TFPI: variants seen among roughly 807,000 people sequenced by gnomAD.
TFPI encodes the protein anti-convertin.
TFPI carries 15 observed loss-of-function variants against 34.6 expected under a neutral mutation model. The observed-to-expected ratio is 0.43, with a 90% CI of 0.29 to 0.67. The LOEUF is 0.67. Ranked by LOEUF, TFPI falls within the 30% of genes least tolerant of loss-of-function variation. The pLI, the probability that TFPI is intolerant of heterozygous loss-of-function variation, is 0.15. For synonymous variants in TFPI, 105 were observed against 120.1 expected, an observed-to-expected ratio of 0.87 and a Z score of 0.82; for missense variants, 301 against 364.0, an observed-to-expected ratio of 0.83 and a Z score of 1.41.
At chr2:187,487,345 T>G (rs958797123) in intron 4 of TFPI, among the ~76,000 whole-genome samples, 2 of 151,440 alleles carry the variant, frequency 1.3e-5, no homozygotes, top group African/African-American at 4.8e-5. Flanking sequence ...GTACATTTAG[T>G]TATGTTTCTT....
At chr2:187,535,134 T>C (rs1462925523) in intron 1 of TFPI, among the ~76,000 whole-genome samples, 3 of 152,102 alleles carry the variant, frequency 2.0e-5, no homozygotes, top group African/African-American at 7.2e-5. Context: ...CACACAATAA[T>C]AGTGGGAGAC....
chr2:187,497,179 C>A, intron 2 of TFPI, 101 bp from the exon 3 acceptor site: 2 of 1,034,670 alleles, frequency 1.9e-6, no homozygotes, highest in South Asian at 1.7e-5. Context: ...AGGAAAAGTA[C>A]AATAAAACAT....
intron 1 of TFPI, among the ~76,000 whole-genome samples, chr2:187,552,823 A>G (rs1156611236): frequency 6.6e-6 from 1 of 152,106 alleles, no homozygotes; most frequent in African/African-American, 2.4e-5. Context: ...CTTGAAGTAG[A>G]AAAACTTGGT....
At chr2:187,473,957 AAGG>A (rs1335506764) in intron 6 of TFPI, among the ~76,000 whole-genome samples, 1 of 152,098 alleles carries the variant, frequency 6.6e-6, no homozygotes, top group East Asian at 1.9e-4. Flanking sequence ...ATTAAGAGGG[AAGG>A]AAATAAATTG....
At chr2:187,542,629 G>A (rs1298962583) in intron 1 of TFPI, among the ~76,000 whole-genome samples, 1 of 152,076 alleles carries the variant, frequency 6.6e-6, no homozygotes, top group Admixed American at 6.5e-5. Flanking sequence ...CCAGCACTTT[G>A]GGAGGCCAAA....
intron 1 of TFPI, among the ~76,000 whole-genome samples, chr2:187,552,259 T>C (rs1355521398): frequency 6.6e-6 from 1 of 152,098 alleles, no homozygotes; most frequent in Non-Finnish European, 1.5e-5. Context: ...GCATATTTAC[T>C]ATTTGGTTAG....
chr2:187,535,758 G>A (rs1688215303), intron 1 of TFPI, among the ~76,000 whole-genome samples: 2 of 151,926 alleles, frequency 1.3e-5, no homozygotes, highest in African/African-American at 4.8e-5. Context: ...GGGAGATAGA[G>A]ACAGGAAAAA....
intron 1 of TFPI, among the ~76,000 whole-genome samples, chr2:187,527,691 C>T (rs1429020496): frequency 1.3e-5 from 2 of 151,698 alleles, no homozygotes; most frequent in African/African-American, 2.4e-5. Context: ...GAATATATAC[C>T]ACATTTATTT....
chr2:187,512,784 C>G (rs1032902843), intron 1 of TFPI, among the ~76,000 whole-genome samples: 1 of 151,628 alleles, frequency 6.6e-6, no homozygotes. Flanking sequence ...TGGGGGGGGC[C>G]GCGAAATTTA....
intron 2 of TFPI, among the ~76,000 whole-genome samples, chr2:187,501,676 A>AG (rs1685862104): frequency 6.6e-6 from 1 of 152,122 alleles, no homozygotes; most frequent in African/African-American, 2.4e-5. Context: ...TCACAAAGGT[A>AG]CTAGGTGGCA....
chr2:187,517,948 G>C (rs1687120513), intron 1 of TFPI: 3 of 152,094 alleles, frequency 2.0e-5, no homozygotes, highest in Non-Finnish European at 4.4e-5. Context: ...TTTTATCAGA[G>C]ACTGGGAATG....
chr2:187,514,251 C>T lies in TFPI; in HGVS notation c.-2-10481G>A, dbSNP rs949496260. On this transcript the variant is annotated intron_variant, in intron 1 of 7. Transcript: ENST00000233156. Reference sequence around the variant, plus strand: ...CTGGTTGGAATGGATCAAATATTCCCTCCACATGTTAAACAAAAGCAATTG... The same window carrying T: ...CTGGTTGGAATGGATCAAATATTCCTTCCACATGTTAAACAAAAGCAATTG... 4 of 152,224 alleles carry T rather than the reference C, an allele frequency of 2.6e-5. No individual in the cohort carries two copies. The East Asian group carries it at 7.7e-4, about 29-fold the overall frequency. 9.4% of individuals were successfully genotyped at this position (152,224 alleles called of 1,614,324 possible). A position where few individuals can be genotyped will look rare whatever the true frequency, so the allele number is the denominator to read the frequency against.
chr2:187,518,119 T>TG (rs1559138980), intron 1 of TFPI: 1 of 152,246 alleles, frequency 6.6e-6, no homozygotes, highest in African/African-American at 2.4e-5. Flanking sequence ...GTCTTTTAAT[T>TG]GGGGCATTTA....
At chr2:187,534,130 G>T (rs943079990) in intron 1 of TFPI, among the ~76,000 whole-genome samples, 11 of 152,198 alleles carry the variant, frequency 7.2e-5, no homozygotes, top group African/African-American at 2.7e-4. Flanking sequence ...ATGGAAAGAA[G>T]TTGGAGAACA....
intron 5 of TFPI, chr2:187,484,421 G>A (rs961846369): frequency 1.8e-6 from 1 of 553,826 alleles, no homozygotes; most frequent in East Asian, 3.0e-5. Flanking sequence ...AAAAAGCGTA[G>A]CAGTTAATGT....
intron 6 of TFPI, among the ~76,000 whole-genome samples, chr2:187,480,183 T>G (rs1692735384): frequency 6.6e-6 from 1 of 152,118 alleles, no homozygotes; most frequent in South Asian, 2.1e-4. Flanking sequence ...TGCATTTATC[T>G]GAATAACCAG....
chr2:187,531,140 A>G (rs918111950), intron 1 of TFPI, among the ~76,000 whole-genome samples: 9 of 152,218 alleles, frequency 5.9e-5, no homozygotes, highest in East Asian at 5.8e-4. Flanking sequence ...CAAGGAGTCA[A>G]TACCTTTACA....
At chr2:187,470,996 C>G (rs1299754673) in intron 6 of TFPI, among the ~76,000 whole-genome samples, 1 of 152,178 alleles carries the variant, frequency 6.6e-6, no homozygotes, top group Non-Finnish European at 1.5e-5. Context: ...GAGTTTTGAC[C>G]CAGATCAACA....
At chr2:187,553,926 A>G (rs1435004421) in intron 1 of TFPI, among the ~76,000 whole-genome samples, 1 of 152,230 alleles carries the variant, frequency 6.6e-6, no homozygotes, top group East Asian at 1.9e-4. Context: ...AAAAAGCTAC[A>G]TACACCAATT....
Sources: allele counts gnomAD v4.1 joint callset (sites outside exome capture counted in the v4.1 genomes callset), GRCh38; gene constraint gnomAD v4.1.1; transcripts MANE v1.5; gene names NCBI Gene and HGNC (gene_info 2026-07-23, HGNC 2026-07-21).